The following SMIM35 variants were observed in gnomAD, a reference collection of about 807,000 sequenced individuals.
SMIM35 encodes the protein TMPRSS4 antisense RNA 1 (non-protein coding).
chr11:118,077,249 G>A (rs1416795642), intron 1 of SMIM35: 1 of 1,585,196 alleles, frequency 6.3e-7, no homozygotes, highest in African/African-American at 1.3e-5. Context: ...GCTGCCTTGG[G>A]GTGACAATCT....
Position 118,068,828 on chromosome 11 carries a change from A to G in SMIM35, c.7+17923T>C, listed in dbSNP as rs540533191. Among the ~76,000 whole-genome samples, 8 of 152,318 alleles carry G rather than the reference A, an allele frequency of 5.3e-5. No individual in the cohort carries two copies. The South Asian group carries it at 1.7e-3, about 32-fold the overall frequency. On this transcript the variant is annotated intron_variant, in intron 1 of 4. Transcript: ENST00000689828. Reference sequence around the variant, plus strand: ...ATTCTCGGCCACCCCACAGAGGCCCAGCGGCATCCAGGAGCCGTGGTCTCT... The same window carrying G: ...ATTCTCGGCCACCCCACAGAGGCCCGGCGGCATCCAGGAGCCGTGGTCTCT...
chr11:118,041,751 G>T (rs1040000312), intron 1 of SMIM35, among the ~76,000 whole-genome samples: 1 of 152,018 alleles, frequency 6.6e-6, no homozygotes, highest in African/African-American at 2.4e-5. Flanking sequence ...CTTCTAAGAC[G>T]CTAGAGAAAG....
chr11:118,077,427 G>C (rs2135163392), intron 1 of SMIM35: 1 of 1,232,224 alleles, frequency 8.1e-7, no homozygotes, highest in East Asian at 2.8e-5. Flanking sequence ...GTTAAAAAAA[G>C]AGGCCACACC....
chr11:118,032,851 T>G (rs2058330175), intron 1 of SMIM35, among the ~76,000 whole-genome samples: 1 of 152,174 alleles, frequency 6.6e-6, no homozygotes. Context: ...GAGGTTGCAG[T>G]GAGCCGATAC....
intron 4 of SMIM35, among the ~76,000 whole-genome samples, chr11:118,011,500 T>C (rs1362641698): frequency 6.6e-6 from 1 of 152,148 alleles, no homozygotes; most frequent in African/African-American, 2.4e-5. Flanking sequence ...GGGACCAGCC[T>C]GGCCAACATA....
At chr11:118,011,996 G>A (rs925350965) in intron 4 of SMIM35, among the ~76,000 whole-genome samples, 1 of 152,200 alleles carries the variant, frequency 6.6e-6, no homozygotes. Context: ...ATGGGGTAAG[G>A]GCTGGTGAGG....
At chr11:118,086,060 T>G (rs1945531616) in intron 1 of SMIM35, among the ~76,000 whole-genome samples, 1 of 152,222 alleles carries the variant, frequency 6.6e-6, no homozygotes, top group Non-Finnish European at 1.5e-5. Context: ...GTCTTCAGTT[T>G]AATTTAGCCC....
intron 1 of SMIM35, among the ~76,000 whole-genome samples, chr11:118,023,175 C>G (rs574760999): frequency 6.6e-6 from 1 of 151,858 alleles, no homozygotes; most frequent in Non-Finnish European, 1.5e-5. Flanking sequence ...ACAGAACAAC[C>G]AACAGAGCAC....
At chr11:118,027,325 C>T (rs188414557) in intron 1 of SMIM35, among the ~76,000 whole-genome samples, 14,153 of 151,376 alleles carry the variant, frequency 0.093, 908 homozygotes, top group East Asian at 0.36. Context: ...CCGCGCCCGG[C>T]CCACTTTTTT....
At chr11:118,014,922 A>T (rs536587976) in intron 2 of SMIM35, among the ~76,000 whole-genome samples, 181 bp from the exon 3 acceptor site, 2 of 152,152 alleles carry the variant, frequency 1.3e-5, no homozygotes, top group African/African-American at 2.4e-5. Flanking sequence ...GGTCCTGATT[A>T]TCCTGGGATG....
chr11:118,065,933 C>G (rs1295860589), intron 1 of SMIM35, among the ~76,000 whole-genome samples: 1 of 152,178 alleles, frequency 6.6e-6, no homozygotes, highest in African/African-American at 2.4e-5. Context: ...ACCCAGTGAC[C>G]AGGCTAGAAT....
chr11:118,010,445 T>C (rs2058144215), intron 4 of SMIM35, among the ~76,000 whole-genome samples: 1 of 152,206 alleles, frequency 6.6e-6, no homozygotes, highest in South Asian at 2.1e-4. Flanking sequence ...TGTGGCTACA[T>C]TGGGTGTCTC....
chr11:118,055,522 T>C lies in SMIM35; in HGVS notation c.7+31229A>G, dbSNP rs1282997832. Among the ~76,000 whole-genome samples, 4 of 152,308 alleles carry C rather than the reference T, an allele frequency of 2.6e-5. No homozygotes were observed. The South Asian group carries it at 6.2e-4, about 24-fold the overall frequency. On this transcript the variant is annotated intron_variant, in intron 1 of 4. Coordinates refer to ENST00000689828, the MANE Select transcript of SMIM35 (RefSeq NM_001394165.1). Reference sequence around the variant, plus strand: ...GTGCTGAATTCATACCTGAATGTGATGTCTTTTGGTGGGGCATGTCTTCTC... The same window carrying C: ...GTGCTGAATTCATACCTGAATGTGACGTCTTTTGGTGGGGCATGTCTTCTC...
chr11:118,067,562 A>G (rs1294050764), intron 1 of SMIM35: 2 of 152,098 alleles, frequency 1.3e-5, no homozygotes, highest in African/African-American at 2.4e-5. Context: ...GGCTGGGTGC[A>G]GTGACTCATG....
At chr11:118,057,219 G>A (rs181842844) in intron 1 of SMIM35, among the ~76,000 whole-genome samples, 30 of 152,340 alleles carry the variant, frequency 2.0e-4, no homozygotes, top group Admixed American at 1.5e-3. Context: ...GGCTTTGAAG[G>A]GATAGAGACA....
chr11:118,010,280 C>A (rs2058143368), intron 4 of SMIM35, among the ~76,000 whole-genome samples: 1 of 152,208 alleles, frequency 6.6e-6, no homozygotes, highest in Non-Finnish European at 1.5e-5. Flanking sequence ...AGAGACACTG[C>A]CCTCCTGGCT....
At chr11:118,040,842 G>A (rs1943988299) in intron 1 of SMIM35, among the ~76,000 whole-genome samples, 1 of 152,014 alleles carries the variant, frequency 6.6e-6, no homozygotes, top group Non-Finnish European at 1.5e-5. Context: ...GAGCAAAGCA[G>A]TATAAGCAAA....
chr11:118,067,717 A>AGC, intron 1 of SMIM35, among the ~76,000 whole-genome samples: 2 of 151,102 alleles, frequency 1.3e-5, no homozygotes, highest in Non-Finnish European at 3.0e-5. Flanking sequence ...CCTATAGTTC[A>AGC]ACTTCTCGGG....
chr11:118,008,805 G>T (rs960506872), intron 4 of SMIM35, among the ~76,000 whole-genome samples: 2 of 152,242 alleles, frequency 1.3e-5, no homozygotes, highest in Non-Finnish European at 2.9e-5. Flanking sequence ...ACTCAGAAGA[G>T]GTTTAAAACC....
Sources: gnomAD v4.1 joint callset for allele counts (sites outside exome capture counted in the v4.1 genomes callset) on GRCh38, gnomAD v4.1.1 for gene constraint, MANE v1.5 for transcripts, NCBI Gene and HGNC (gene_info 2026-07-23, HGNC 2026-07-21) for gene names.